Variants in SMCO2 observed in about 807,000 individuals in gnomAD.
SMCO2 encodes the protein single-pass membrane and coiled-coil domain-containing protein 2.
SMCO2 carries 25 observed loss-of-function variants against 29.5 expected under a neutral mutation model. The ratio of observed to expected loss-of-function variants is 0.85; its 90% CI spans 0.62 to 1.18. The LOEUF (loss-of-function observed/expected upper bound fraction) is 1.18. SMCO2 is among the 50% of genes most tolerant of loss of function. SMCO2 has a pLI of 0.00. For missense variants in SMCO2, 348 were observed against 344.5 expected, an observed-to-expected ratio of 1.01 and a Z score of -0.08; for synonymous variants, 117 against 123.3, an observed-to-expected ratio of 0.95 and a Z score of 0.34.
At chr12:27,478,447 A>C (rs415192) in intron 4 of SMCO2, among the ~76,000 whole-genome samples, 17,472 of 152,136 alleles carry the variant, frequency 0.11, 1,936 homozygotes, top group African/African-American at 0.27. Context: ...AAGGTGGGTC[A>C]TCATGTCCCT....
the SMCO2 span, among the ~76,000 whole-genome samples, chr12:27,442,457 A>C: frequency 6.2e-4 from 94 of 152,202 alleles, no homozygotes; most frequent in Non-Finnish European, 1.1e-3. Flanking sequence ...TAGAAGAAAC[A>C]GACAAACTCC....
intron 7 of SMCO2, among the ~76,000 whole-genome samples, chr12:27,499,236 A>C (rs1160161959): frequency 6.6e-6 from 1 of 150,956 alleles, no homozygotes; most frequent in East Asian, 1.9e-4. Context: ...GTAGCCACAC[A>C]ATGAACTATT....
chr12:27,437,148 G>A, the SMCO2 span, among the ~76,000 whole-genome samples: 1 of 152,176 alleles, frequency 6.6e-6, no homozygotes, highest in East Asian at 1.9e-4. Flanking sequence ...TCTCACACCT[G>A]TAATTCCAGC....
intron 4 of SMCO2, among the ~76,000 whole-genome samples, chr12:27,475,979 A>C (rs1949583076): frequency 1.3e-5 from 2 of 152,170 alleles, no homozygotes; most frequent in African/African-American, 4.8e-5. Context: ...AAATCTTTCT[A>C]CTTTTTTGAT....
chr12:27,488,448 G>A lies in SMCO2; in HGVS notation c.363-12G>A. 6.7e-7 allele frequency: 1 copy of A among 1,497,166 alleles called. No individual in the cohort carries two copies. Among genetic ancestry groups the A allele is most frequent in the Non-Finnish European group, 8.9e-7 (1 of 1,121,022 alleles). The allele number at this position is 1,497,166 out of a possible 1,614,324, so 92.7% of individuals were successfully genotyped here. On this transcript the variant is annotated splice_polypyrimidine_tract_variant and intron_variant, in intron 4 of 7. Transcript: ENST00000298876. ...TTAATCTGCAGGCCTTAGTATCTTG[G>A]TCTGTTTGCAGCTTATTAAAAGACA...
chr12:27,441,066 T>C, the SMCO2 span, among the ~76,000 whole-genome samples: 1 of 152,024 alleles, frequency 6.6e-6, no homozygotes, highest in African/African-American at 2.4e-5. Context: ...GAGACCAGCC[T>C]GGGCAACATG....
the SMCO2 span, among the ~76,000 whole-genome samples, chr12:27,457,015 T>C: frequency 2.6e-5 from 4 of 152,166 alleles, no homozygotes; most frequent in East Asian, 3.8e-4. Context: ...ATGATCTGAG[T>C]TGGAACAGTT....
chr12:27,451,920 A>G, the SMCO2 span, among the ~76,000 whole-genome samples: 1 of 152,140 alleles, frequency 6.6e-6, no homozygotes, highest in Non-Finnish European at 1.5e-5. Flanking sequence ...TGAAATCCAT[A>G]ATAGGAGCCT....
chr12:27,486,671 T>G (rs449113), intron 4 of SMCO2, among the ~76,000 whole-genome samples: 18,673 of 152,170 alleles, frequency 0.12, 2,213 homozygotes, highest in African/African-American at 0.29. Flanking sequence ...CAAAGACCTT[T>G]CTTATACTAT....
At chr12:27,454,141 T>C in the SMCO2 span, among the ~76,000 whole-genome samples, 315 of 152,154 alleles carry the variant, frequency 2.1e-3, 3 homozygotes, top group African/African-American at 7.5e-3. Flanking sequence ...TGCACCACCA[T>C]GTCCAGCTTA....
chr12:27,434,748 C>A, the SMCO2 span, among the ~76,000 whole-genome samples: 6 of 152,052 alleles, frequency 3.9e-5, no homozygotes, highest in African/African-American at 1.5e-4. Context: ...GGAAATAGTC[C>A]AAACTTATAT....
the SMCO2 span, among the ~76,000 whole-genome samples, chr12:27,438,661 C>T: frequency 6.6e-6 from 1 of 152,190 alleles, no homozygotes; most frequent in Non-Finnish European, 1.5e-5. Context: ...CTATCTGTAT[C>T]AATCCTTTAC....
At chr12:27,447,728 CAAAA>C in the SMCO2 span, among the ~76,000 whole-genome samples, 7 of 113,454 alleles carry the variant, frequency 6.2e-5, no homozygotes, top group African/African-American at 6.8e-5. Context: ...GACTCTGTCT[CAAAA>C]AAAAAAAAAA....
intron 4 of SMCO2, among the ~76,000 whole-genome samples, chr12:27,479,805 C>T (rs1949625241): frequency 6.6e-6 from 1 of 152,198 alleles, no homozygotes. Context: ...CATCTTCCAC[C>T]ATGATTGTGA....
chr12:27,471,728 A>G (rs73088303), intron 2 of SMCO2, among the ~76,000 whole-genome samples: 8,075 of 152,232 alleles, frequency 0.053, 281 homozygotes, highest in East Asian at 0.12. Context: ...TGAGACTAAC[A>G]CTAAATGAGA....
the SMCO2 span, among the ~76,000 whole-genome samples, chr12:27,438,663 A>G: frequency 7.2e-5 from 11 of 152,186 alleles, no homozygotes; most frequent in African/African-American, 2.7e-4. Flanking sequence ...ATCTGTATCA[A>G]TCCTTTACAT....
At chr12:27,426,940 T>C in the SMCO2 span, among the ~76,000 whole-genome samples, 1 of 152,348 alleles carries the variant, frequency 6.6e-6, no homozygotes, top group South Asian at 2.1e-4. Context: ...TGACATCATT[T>C]GTTTCAATGA....
At chr12:27,481,287 G>C (rs1169286053) in intron 4 of SMCO2, among the ~76,000 whole-genome samples, 1 of 152,230 alleles carries the variant, frequency 6.6e-6, no homozygotes, top group Non-Finnish European at 1.5e-5. Flanking sequence ...ATGGACTCCA[G>C]ACAGCTCCCT....
At chr12:27,472,854 T>G in exon 3 of SMCO2, 1 of 1,550,458 alleles carries the variant, frequency 6.4e-7, no homozygotes, top group Non-Finnish European at 8.7e-7. Flanking sequence ...CCGAAAACCC[T>G]CAAACTGACT....
Sources: gnomAD v4.1 joint callset for allele counts (sites outside exome capture counted in the v4.1 genomes callset) on GRCh38, gnomAD v4.1.1 for gene constraint, MANE v1.5 for transcripts, NCBI Gene and HGNC (gene_info 2026-07-23, HGNC 2026-07-21) for gene names.